Variants in UQCRH observed in about 807,000 individuals in gnomAD.
UQCRH encodes the protein ubiquinol-cytochrome c reductase hinge protein, also known as cytochrome b-c1 complex subunit 6, mitochondrial.
Under a neutral mutation model 16.3 loss-of-function variants are expected in UQCRH, and 14 were observed. That is an observed-to-expected ratio of 0.86 (90% CI 0.57 to 1.34). The LOEUF (loss-of-function observed/expected upper bound fraction) is 1.34, where lower values mean the gene tolerates loss of function less well. Among genes scored for constraint, UQCRH ranks in the 40% most tolerant of loss-of-function variants. The probability of loss-of-function intolerance (pLI) is 0.00; values close to 1 mark genes in which losing one functional copy is unlikely to be tolerated. For missense variants in UQCRH, 89 were observed against 111.9 expected (o/e 0.80, Z 0.92); for synonymous variants, 41 against 41.9 (o/e 0.98, Z 0.08).
chr1:46,313,680 G>C (rs558383563), intron 3 of UQCRH, among the ~76,000 whole-genome samples: 49 of 149,568 alleles, frequency 3.3e-4, no homozygotes, highest in African/African-American at 1.2e-3. Context: ...TAGATAGATA[G>C]ATAGATATAG....
At chr1:46,312,584 A>G (rs1268615146) in intron 3 of UQCRH, among the ~76,000 whole-genome samples, 1 of 151,930 alleles carries the variant, frequency 6.6e-6, no homozygotes, top group Admixed American at 6.6e-5. Flanking sequence ...AAACTCAGGC[A>G]GGGCATAGTG....
intron 1 of UQCRH, among the ~76,000 whole-genome samples, chr1:46,304,479 G>A (rs897229317): frequency 6.6e-6 from 1 of 151,750 alleles, no homozygotes; most frequent in Non-Finnish European, 1.5e-5. Flanking sequence ...TCCGCCTCCT[G>A]GGTTCAAGCG....
At chr1:46,305,989 G>A (rs1014398170) in intron 1 of UQCRH, among the ~76,000 whole-genome samples, 4 of 151,988 alleles carry the variant, frequency 2.6e-5, no homozygotes, top group Admixed American at 6.5e-5. Flanking sequence ...TAGAGACAGG[G>A]TTTCACCGTG....
intron 1 of UQCRH, among the ~76,000 whole-genome samples, chr1:46,305,682 C>T (rs951364378): frequency 6.6e-6 from 1 of 151,852 alleles, no homozygotes; most frequent in Non-Finnish European, 1.5e-5. Context: ...ACCCGAGAGG[C>T]GAAGCTTGCA....
chr1:46,310,019 G>C, intron 2 of UQCRH, 136 bp from the exon 3 acceptor site: 1 of 1,518,212 alleles, frequency 6.6e-7, no homozygotes, highest in Non-Finnish European at 8.8e-7. Flanking sequence ...GCGGCAGTGT[G>C]GCTCTGCCAG....
At position 46,309,139 on chromosome 1, in the gene UQCRH, C is replaced by G; in HGVS notation, c.81+12C>G. The stretch of plus-strand genomic sequence containing the variant: ...AGGAGGAATTAGTGGTAAGAACTGT[C>G]TCAGGTTTGGAAACATCTCAGTAAA... On this transcript the variant is annotated intron_variant, in intron 2 of 3. Coordinates refer to ENST00000311672, the MANE Select transcript of UQCRH (RefSeq NM_006004.4). 6.2e-7 allele frequency: 1 copy of G among 1,609,618 alleles called. No individual in the cohort carries two copies. Among genetic ancestry groups the G allele is most frequent in the Non-Finnish European group, 8.5e-7 (1 of 1,179,024 alleles).
At chr1:46,314,507 CTAAAAACACA>C (rs1661542539) in intron 3 of UQCRH, among the ~76,000 whole-genome samples, 1 of 151,836 alleles carries the variant, frequency 6.6e-6, no homozygotes, top group Non-Finnish European at 1.5e-5. Context: ...CCCGTCTCTA[CTAAAAACACA>C]AAAATTGGCT....
At chr1:46,306,775 A>G (rs868206096) in intron 1 of UQCRH, among the ~76,000 whole-genome samples, 32 of 152,214 alleles carry the variant, frequency 2.1e-4, no homozygotes, top group African/African-American at 7.7e-4. Flanking sequence ...ACCTTTGCCA[A>G]TTGTGAGAAT....
chr1:46,306,254 CAG>C (rs1159626743), intron 1 of UQCRH, among the ~76,000 whole-genome samples: 1 of 152,148 alleles, frequency 6.6e-6, no homozygotes, highest in East Asian at 1.9e-4. Flanking sequence ...ATCAGTGACA[CAG>C]AATTACCAGT....
At chr1:46,310,369 T>C (rs1661447698) in intron 3 of UQCRH, 53 bp downstream of exon 3, 1 of 1,608,738 alleles carries the variant, frequency 6.2e-7, no homozygotes, top group Non-Finnish European at 8.5e-7. Context: ...CAGGGAAGAC[T>C]TGGTGCCAAC....
chr1:46,314,625 G>A (rs1661544701), intron 3 of UQCRH, among the ~76,000 whole-genome samples: 1 of 148,634 alleles, frequency 6.7e-6, no homozygotes, highest in South Asian at 2.1e-4. Flanking sequence ...GTGAGCCAAA[G>A]TTGCGCCATT....
At chr1:46,309,865 G>C in intron 2 of UQCRH, 1 of 1,344,550 alleles carries the variant, frequency 7.4e-7, no homozygotes, top group South Asian at 1.6e-5. Context: ...CTTCAAGTTT[G>C]GCCAGGTTTC....
chr1:46,312,210 T>C (rs1661493885), intron 3 of UQCRH, among the ~76,000 whole-genome samples: 1 of 151,848 alleles, frequency 6.6e-6, no homozygotes, highest in Admixed American at 6.6e-5. Flanking sequence ...ATTTTCCTGC[T>C]TCAGCCTCCC....
chr1:46,311,762 GTTTTTTTGTT>G (rs1264882417), intron 3 of UQCRH, among the ~76,000 whole-genome samples: 4 of 150,140 alleles, frequency 2.7e-5, no homozygotes. Context: ...CCGGCTAATG[GTTTTTTTGTT>G]TTTTTTTGTT....
intron 3 of UQCRH, among the ~76,000 whole-genome samples, chr1:46,311,072 C>A (rs1419971709): frequency 4.8e-5 from 7 of 145,482 alleles, no homozygotes; most frequent in Admixed American, 1.4e-4. Context: ...GAGACTCCAT[C>A]TCAAAAAAAA....
chr1:46,305,914 T>G (rs1440169847), intron 1 of UQCRH, among the ~76,000 whole-genome samples: 1 of 151,688 alleles, frequency 6.6e-6, no homozygotes, highest in East Asian at 2.0e-4. Context: ...AGCGATTCTC[T>G]TTTGCCTCAG....
intron 3 of UQCRH, among the ~76,000 whole-genome samples, chr1:46,312,116 G>A (rs1246015691): frequency 1.4e-5 from 2 of 148,134 alleles, no homozygotes; most frequent in Admixed American, 6.7e-5. Context: ...TTTAATTTGA[G>A]ACTGAGTTGC....
intron 1 of UQCRH, 83 bp from the exon 2 acceptor site, chr1:46,309,018 A>G (rs764339254): frequency 5.2e-5 from 75 of 1,446,270 alleles, no homozygotes; most frequent in South Asian, 2.4e-4. Context: ...GTCAGTGTCT[A>G]TCGTCAGTAA....
At chr1:46,314,090 G>GC (rs1001822518) in intron 3 of UQCRH, among the ~76,000 whole-genome samples, 88 of 152,114 alleles carry the variant, frequency 5.8e-4, no homozygotes, top group African/African-American at 2.0e-3. Flanking sequence ...AGAGAAGGGG[G>GC]CCGGGGCACG....
Sources: allele counts gnomAD v4.1 joint callset (sites outside exome capture counted in the v4.1 genomes callset), GRCh38; gene constraint gnomAD v4.1.1; transcripts MANE v1.5; gene names NCBI Gene and HGNC (gene_info 2026-07-23, HGNC 2026-07-21).